The following MCC variants were observed in gnomAD, a reference collection of about 807,000 sequenced individuals.
MCC encodes the protein MCC regulator of Wnt signaling pathway.
A neutral mutation model predicts 116.2 loss-of-function variants in MCC; 90 were observed. The observed-to-expected ratio is 0.77, with a 90% CI of 0.65 to 0.92. The LOEUF is 0.92. Ranked by LOEUF, MCC falls within the 40% of genes least tolerant of loss-of-function variation. The pLI is 0.00. For synonymous variants in MCC, 578 were observed against 510.5 expected (o/e 1.13, Z -1.78); for missense variants, 1,516 against 1,312.2 (o/e 1.16, Z -2.40).
intron 1 of MCC, among the ~76,000 whole-genome samples, chr5:113,444,986 G>A (rs141101990): frequency 7.2e-5 from 11 of 152,188 alleles, no homozygotes; most frequent in East Asian, 3.9e-4. Context: ...GTAAAGGGCA[G>A]AACTGTATAT....
chr5:113,258,663 C>G (rs1765109825), intron 3 of MCC, among the ~76,000 whole-genome samples: 1 of 152,148 alleles, frequency 6.6e-6, no homozygotes, highest in East Asian at 1.9e-4. Context: ...CAGTCCCTGC[C>G]AAAAAGGTTG....
rs140633829 is a variant in MCC, at chr5:113,071,135, G to A, written c.1884C>T (p.Tyr628=). ...GCCTCAGCGCTGTGGCATTGGATTC[G>A]TATTTTCCCACCAGCATGCTCATCC... ...AERMSMLVGK[Y]ESNATALRLA... Residue 628 remains tyrosine, a synonymous_variant, in exon 12 of 19, where the codon TAC becomes TAT. Coordinates refer to ENST00000408903, the MANE Select transcript of MCC (RefSeq NM_001085377.2). 2.7e-5 allele frequency: 44 copies of A among 1,613,948 alleles called. No homozygotes were observed. The highest frequency in any genetic ancestry group is 4.4e-5 in the South Asian group (4 of 91,068).
intron 1 of MCC, chr5:113,433,827 T>G (rs1212123964): frequency 6.2e-7 from 1 of 1,614,016 alleles, no homozygotes. Flanking sequence ...GATCTCCGAC[T>G]GCCTGGACAT....
intron 13 of MCC, among the ~76,000 whole-genome samples, chr5:113,067,135 C>A (rs1365657929): frequency 6.6e-6 from 1 of 152,188 alleles, no homozygotes; most frequent in African/African-American, 2.4e-5. Context: ...ATACTCCTTC[C>A]ACCTTACTCA....
intron 3 of MCC, among the ~76,000 whole-genome samples, chr5:113,177,884 T>A (rs1442332564): frequency 6.6e-6 from 1 of 152,234 alleles, no homozygotes; most frequent in Non-Finnish European, 1.5e-5. Flanking sequence ...TAGTTTCTAA[T>A]CTTTACTAAT....
In MCC at chr5:113,022,186, T is replaced by C. The variant is rs1379800097; in HGVS notation, c.*5116A>G. The C allele has an allele frequency of 2.0e-5, 3 of 152,498 alleles. No individual in the cohort carries two copies. Among genetic ancestry groups the C allele is most frequent in the Non-Finnish European group, 4.4e-5 (3 of 68,040 alleles). 9.4% of individuals were successfully genotyped at this position (152,498 alleles called of 1,614,324 possible). On this transcript the variant is annotated 3_prime_UTR_variant, in exon 19 of 19. Coordinates refer to ENST00000408903, the MANE Select transcript of MCC (RefSeq NM_001085377.2). The stretch of plus-strand genomic sequence containing the variant: ...TCTCTGTATAAATAAATGGAGTTTT[T>C]AAAAAACAATTCTATATCAAATAAC...
intron 2 of MCC, among the ~76,000 whole-genome samples, chr5:113,375,362 A>G (rs544123226): frequency 1.3e-5 from 2 of 152,114 alleles, no homozygotes; most frequent in Non-Finnish European, 2.9e-5. Context: ...TACTAGTTCT[A>G]TTTATATGTT....
chr5:113,049,818 C>T (rs556786583), intron 15 of MCC, among the ~76,000 whole-genome samples: 1 of 152,198 alleles, frequency 6.6e-6, no homozygotes, highest in Non-Finnish European at 1.5e-5. Context: ...AGGCATGCGG[C>T]GAATGCCTGC....
chr5:113,462,378 C>A lies in MCC; in HGVS notation c.170+25867G>T, dbSNP rs558637214. Among the ~76,000 whole-genome samples the A allele has an allele frequency of 2.4e-4, 36 of 152,338 alleles. No homozygotes were observed. The South Asian group carries it at 6.6e-3, about 28-fold the overall frequency. On this transcript the variant is annotated intron_variant, in intron 1 of 18. Transcript: ENST00000408903. The stretch of plus-strand genomic sequence containing the variant: ...CCCAGGGCAGCATTCAACAGAAACA[C>A]TGGGAAATAGCACCTCAGGCTGCCA...
At chr5:113,063,467 G>C (rs1350654063) in intron 14 of MCC, among the ~76,000 whole-genome samples, 1 of 152,218 alleles carries the variant, frequency 6.6e-6, no homozygotes, top group Non-Finnish European at 1.5e-5. Flanking sequence ...TGTGAATGTG[G>C]CATCATTCCA....
chr5:113,172,089 A>C (rs1761101730), intron 3 of MCC, among the ~76,000 whole-genome samples: 1 of 152,192 alleles, frequency 6.6e-6, no homozygotes, highest in African/African-American at 2.4e-5. Context: ...CCTTTTCTCC[A>C]AATGTAGCAG....
At chr5:113,301,564 A>G (rs1022211390) in intron 3 of MCC, among the ~76,000 whole-genome samples, 2 of 152,174 alleles carry the variant, frequency 1.3e-5, no homozygotes, top group East Asian at 1.9e-4. Context: ...GTTGGATGCT[A>G]TAAAGGAATT....
chr5:113,171,380 G>C (rs574376838), intron 3 of MCC, among the ~76,000 whole-genome samples: 20 of 151,474 alleles, frequency 1.3e-4, no homozygotes, highest in Non-Finnish European at 2.8e-4. Context: ...TTTTGAGACA[G>C]AGTGTCACTC....
At chr5:113,374,061 C>T (rs764258010) in intron 2 of MCC, among the ~76,000 whole-genome samples, 2 of 152,172 alleles carry the variant, frequency 1.3e-5, no homozygotes, top group Middle Eastern at 3.4e-3. Flanking sequence ...CATGCCACCA[C>T]GCCTGGCTAA....
chr5:113,024,200 A>C lies in MCC; in HGVS notation c.*3102T>G, dbSNP rs1398387031. 6.6e-6 allele frequency: 1 copy of C among 152,246 alleles called. No individual in the cohort carries two copies. Among genetic ancestry groups the C allele is most frequent in the East Asian group, 1.9e-4 (1 of 5,202 alleles). 9.4% of individuals were successfully genotyped at this position (152,246 alleles called of 1,614,324 possible). ...AGACTTAGTGCATGCATCTGAAAGG[A>C]GAATTAAGCAATTTTAAAAGTTAAG... On this transcript the variant is annotated 3_prime_UTR_variant, in exon 19 of 19. Transcript: ENST00000408903.
At chr5:113,374,522 G>C (rs1321641664) in intron 2 of MCC, among the ~76,000 whole-genome samples, 2 of 152,132 alleles carry the variant, frequency 1.3e-5, no homozygotes, top group Non-Finnish European at 2.9e-5. Flanking sequence ...AAAGAGTCTA[G>C]GGGACAGACC....
chr5:113,433,924 T>C (rs896800905), intron 1 of MCC: 1 of 1,614,002 alleles, frequency 6.2e-7, no homozygotes, highest in Non-Finnish European at 8.5e-7. Context: ...GCAGACTTCT[T>C]GTCAGAGCCA....
chr5:113,047,156 C>T (rs1752148355), intron 16 of MCC, among the ~76,000 whole-genome samples: 2 of 152,102 alleles, frequency 1.3e-5, no homozygotes, highest in Non-Finnish European at 2.9e-5. Context: ...TTGTGTCTGG[C>T]TTCTGTCCTC....
intron 3 of MCC, among the ~76,000 whole-genome samples, chr5:113,166,229 T>C (rs1760758987): frequency 6.6e-6 from 1 of 152,190 alleles, no homozygotes; most frequent in Non-Finnish European, 1.5e-5. Flanking sequence ...TGTTTAGGAA[T>C]GATACATTTC....
Sources: gnomAD v4.1 joint callset for allele counts (sites outside exome capture counted in the v4.1 genomes callset) on GRCh38, gnomAD v4.1.1 for gene constraint, MANE v1.5 for transcripts, NCBI Gene and HGNC (gene_info 2026-07-23, HGNC 2026-07-21) for gene names.